The following EPHA6 variants were observed in gnomAD, a reference collection of about 807,000 sequenced individuals.
EPHA6 encodes EPH receptor A6.
A neutral mutation model predicts 112.0 loss-of-function variants in EPHA6; 50 were observed. The observed-to-expected ratio is 0.45, with a 90% confidence interval of 0.36 to 0.56. The LOEUF (loss-of-function observed/expected upper bound fraction) is 0.56, where lower values mean the gene tolerates loss of function less well. Ranked by LOEUF, EPHA6 falls within the 20% of genes least tolerant of loss-of-function variation. The pLI is 0.00. For synonymous variants in EPHA6, 529 were observed against 490.7 expected, an observed-to-expected ratio of 1.08 and a Z score of -1.03; for missense variants, 1,280 against 1,417.4, an observed-to-expected ratio of 0.90 and a Z score of 1.56.
chr3:97,111,486 T>C (rs2047722915), intron 3 of EPHA6, among the ~76,000 whole-genome samples: 1 of 152,116 alleles, frequency 6.6e-6, no homozygotes, highest in African/African-American at 2.4e-5. Flanking sequence ...TATTTTCATC[T>C]ACAGATAAAT....
chr3:97,720,333 G>T lies in EPHA6; in HGVS notation c.2857G>T (p.Ala953Ser), dbSNP rs1372883613. The T allele has an allele frequency of 6.8e-6, 11 of 1,611,350 alleles. No homozygotes were observed. Among genetic ancestry groups the T allele is most frequent in the Non-Finnish European group, 9.3e-6 (11 of 1,178,894 alleles). Residue 953 changes from alanine (A) to serine (S), a missense_variant, in exon 15 of 18, where the codon GCA becomes TCA. Around this residue, in one of 4 missense-constraint regions of EPHA6, gnomAD observed 37 missense variants for 92.9 expected, o/e 0.40. Coordinates refer to ENST00000389672, the MANE Select transcript of EPHA6 (RefSeq NM_001080448.3). ...AYRKFSSASD[A>S]WSYGIVMWEV... ...CAGAAAATTCTCCTCAGCAAGCGAT[G>T]CATGGAGCTATGGCATTGTCATGTG...
At chr3:97,404,203 T>G (rs1053014460) in intron 5 of EPHA6, among the ~76,000 whole-genome samples, 2 of 152,160 alleles carry the variant, frequency 1.3e-5, no homozygotes, top group Non-Finnish European at 2.9e-5. Context: ...AAATACATAA[T>G]TTTTGCCTTA....
chr3:97,138,644 G>C (rs191093575), intron 3 of EPHA6, among the ~76,000 whole-genome samples: 14 of 152,264 alleles, frequency 9.2e-5, no homozygotes, highest in Non-Finnish European at 1.8e-4. Flanking sequence ...CAGTCCAGGG[G>C]CATGGAGATC....
chr3:97,658,714 A>G (rs1461723203), intron 14 of EPHA6, among the ~76,000 whole-genome samples: 1 of 151,910 alleles, frequency 6.6e-6, no homozygotes, highest in Non-Finnish European at 1.5e-5. Context: ...CATATTCCAC[A>G]TTCAACATTA....
intron 2 of EPHA6, among the ~76,000 whole-genome samples, chr3:96,935,679 T>A (rs1417917971): frequency 6.8e-6 from 1 of 148,110 alleles, no homozygotes; most frequent in African/African-American, 2.5e-5. Flanking sequence ...GCCTTAAACA[T>A]TATATATACA....
intron 2 of EPHA6, among the ~76,000 whole-genome samples, chr3:96,899,148 G>A (rs2038460123): frequency 6.6e-6 from 1 of 151,868 alleles, no homozygotes; most frequent in Non-Finnish European, 1.5e-5. Flanking sequence ...GAAGGTTTAG[G>A]AAAAAAATTT....
chr3:97,161,819 A>T (rs1402559367), intron 3 of EPHA6, among the ~76,000 whole-genome samples: 1 of 152,232 alleles, frequency 6.6e-6, no homozygotes, highest in African/African-American at 2.4e-5. Flanking sequence ...TCCAATCAGC[A>T]TAGTGTCATC....
At chr3:97,454,338 T>C (rs147954100) in intron 7 of EPHA6, among the ~76,000 whole-genome samples, 2 of 151,934 alleles carry the variant, frequency 1.3e-5, no homozygotes, top group Non-Finnish European at 3.0e-5. Flanking sequence ...CATAGTTAGG[T>C]TCCAATATAC....
At chr3:97,516,636 G>A (rs569856116) in intron 10 of EPHA6, among the ~76,000 whole-genome samples, 1 of 152,010 alleles carries the variant, frequency 6.6e-6, no homozygotes, top group East Asian at 1.9e-4. Flanking sequence ...GTCTAGAACT[G>A]AATTAAAAAT....
intron 16 of EPHA6, among the ~76,000 whole-genome samples, chr3:97,746,572 T>A (rs1241690237): frequency 1.3e-5 from 2 of 151,794 alleles, no homozygotes; most frequent in Non-Finnish European, 3.0e-5. Flanking sequence ...TATATATAAC[T>A]ATTTCATATA....
At chr3:97,585,412 G>A (rs1353560886) in intron 11 of EPHA6, among the ~76,000 whole-genome samples, 1 of 152,112 alleles carries the variant, frequency 6.6e-6, no homozygotes, top group Non-Finnish European at 1.5e-5. Context: ...ATAATTTTGT[G>A]ATACGCGTTC....
At chr3:97,648,326 C>T (rs2094082535) in intron 14 of EPHA6, 1 of 1,494,460 alleles carries the variant, frequency 6.7e-7, no homozygotes, top group Non-Finnish European at 9.3e-7. Context: ...TGCTATTCTG[C>T]ATAAATTCTG....
chr3:97,048,633 AAAACCACAGGGGTCATT>A (rs2045588033), intron 3 of EPHA6, among the ~76,000 whole-genome samples: 1 of 152,190 alleles, frequency 6.6e-6, no homozygotes, highest in Admixed American at 6.6e-5. Flanking sequence ...TGATGTGAGA[AAAACCACAGGGGTCATT>A]AGATCTGTAA....
intron 3 of EPHA6, among the ~76,000 whole-genome samples, chr3:97,003,898 T>C (rs2043776149): frequency 6.6e-6 from 1 of 151,310 alleles, no homozygotes; most frequent in Non-Finnish European, 1.5e-5. Context: ...CAGTGTTTGG[T>C]TTTCTGTTCC....
chr3:97,109,694 T>C (rs1188978888), intron 3 of EPHA6, among the ~76,000 whole-genome samples: 2 of 152,134 alleles, frequency 1.3e-5, no homozygotes, highest in Non-Finnish European at 2.9e-5. Flanking sequence ...TGTGCAGTAT[T>C]CATTTATTCA....
At chr3:96,954,773 C>CTTTTTTTTTTTTTT (rs10612575) in intron 2 of EPHA6, among the ~76,000 whole-genome samples, 5 of 72,686 alleles carry the variant, frequency 6.9e-5, no homozygotes, top group African/African-American at 2.8e-4. Context: ...ACTGGTGTGC[C>CTTTTTTTTTTTTTT]TTTTTTTTTT....
intron 3 of EPHA6, among the ~76,000 whole-genome samples, chr3:97,154,223 A>G (rs530918743): frequency 3.9e-5 from 6 of 152,050 alleles, no homozygotes; most frequent in African/African-American, 1.4e-4. Context: ...TGATACATCC[A>G]AATTTGCATA....
At chr3:97,071,809 G>T (rs532671772) in intron 3 of EPHA6, among the ~76,000 whole-genome samples, 1 of 151,632 alleles carries the variant, frequency 6.6e-6, no homozygotes, top group Middle Eastern at 3.2e-3. Context: ...GTGAGATTTT[G>T]GTGCACCGAT....
intron 5 of EPHA6, among the ~76,000 whole-genome samples, chr3:97,348,964 C>A (rs2108886196): frequency 6.6e-6 from 1 of 152,082 alleles, no homozygotes; most frequent in Admixed American, 6.6e-5. Context: ...AATACCTTAA[C>A]AAATGAGTTC....
Sources: allele counts gnomAD v4.1 joint callset (sites outside exome capture counted in the v4.1 genomes callset), GRCh38; gene constraint gnomAD v4.1.1; regional missense constraint gnomAD v4.1.1; transcripts MANE v1.5; gene names NCBI Gene and HGNC (gene_info 2026-07-23, HGNC 2026-07-21).